TRIM33: variants seen among roughly 807,000 people sequenced by gnomAD.
The protein encoded by TRIM33 is tripartite motif containing 33, also known as E3 ubiquitin-protein ligase TRIM33.
A neutral mutation model predicts 125.4 loss-of-function variants in TRIM33; 20 were observed. The ratio of observed to expected loss-of-function variants is 0.16; its 90% confidence interval spans 0.11 to 0.23. TRIM33 has a LOEUF of 0.23. TRIM33 is among the 10% of genes least tolerant of loss of function. TRIM33 has a pLI of 1.00. For missense variants in TRIM33, 920 were observed against 1,411.4 expected (o/e 0.65, Z 5.58); for synonymous variants, 564 against 513.9 (o/e 1.10, Z -1.32).
chr1:114,483,467 A>G lies in TRIM33; in HGVS notation c.527-19079T>C, dbSNP rs180894082. Among the ~76,000 whole-genome samples, 3 of 150,180 alleles carry G rather than the reference A, an allele frequency of 2.0e-5. No homozygotes were observed. In the East Asian group the frequency reaches 5.9e-4, roughly 30 times the overall value. ...AGTCTCTGTCTGTGGCCCAGGCTGG[A>G]GTGCAGTGGCATGATCTCACTGCAA... On this transcript the variant is annotated intron_variant, in intron 1 of 19. Transcript: ENST00000358465.
Position 114,510,555 on chromosome 1 carries a change from C to G in TRIM33, c.522G>C (p.Gln174His). ...PIPGGSNGDI[Q>H]QVGVIRCPVC... ...CAGGCAGGGCCTCCGGCTCACCTTG[C>G]TGGATGTCGCCGTTGCTGCCCCCCG... The change falls in exon 1 of 20, where the codon CAG becomes CAC. Residue 174 changes from glutamine (Q) to histidine (H), a missense_variant. Transcript: ENST00000358465. The G allele has an allele frequency of 2.0e-6, 3 of 1,488,790 alleles. No homozygotes were observed. The highest frequency in any genetic ancestry group is 1.8e-6 in the Non-Finnish European group (2 of 1,121,942). 92.2% of individuals were successfully genotyped at this position (1,488,790 alleles called of 1,614,324 possible).
chr1:114,416,676 G>A, intron 11 of TRIM33, among the ~76,000 whole-genome samples: 1 of 152,196 alleles, frequency 6.6e-6, no homozygotes, highest in Non-Finnish European at 1.5e-5. Flanking sequence ...AAAGAAAATT[G>A]AGACTTCACC....
At position 114,394,272 on chromosome 1, in the gene TRIM33, G is replaced by C. The variant is rs892079879; in HGVS notation, c.*3376C>G. On this transcript the variant is annotated 3_prime_UTR_variant, in exon 20 of 20. Transcript: ENST00000358465. ...ATATTTCACATGTTGTACATGAATG[G>C]GGGTGGATATGGGACGTAAAAGCCA... 2 of 228,958 alleles carry C rather than the reference G, an allele frequency of 8.7e-6. No individual in the cohort carries two copies. Among genetic ancestry groups the C allele is most frequent in the Non-Finnish European group, 1.7e-5 (2 of 115,130 alleles). The allele number at this position is 228,958 out of a possible 1,614,324, so 14.2% of individuals were successfully genotyped here. A position where few individuals can be genotyped will look rare whatever the true frequency, so the allele number is the denominator to read the frequency against.
intron 5 of TRIM33, 114 bp downstream of exon 5, chr1:114,433,503 C>T: frequency 1.7e-6 from 1 of 597,804 alleles, no homozygotes; most frequent in Non-Finnish European, 2.9e-6. Flanking sequence ...ATACCATTTC[C>T]CCCTCAAAAA....
chr1:114,401,548 A>G, intron 16 of TRIM33, 85 bp from the exon 17 acceptor site: 1 of 1,145,176 alleles, frequency 8.7e-7, no homozygotes, highest in Non-Finnish European at 1.3e-6. Context: ...ATCACAACAA[A>G]GTTTGATTAC....
intron 1 of TRIM33, among the ~76,000 whole-genome samples, chr1:114,491,120 A>C (rs1318353151): frequency 1.3e-5 from 2 of 152,174 alleles, no homozygotes; most frequent in Non-Finnish European, 2.9e-5. Flanking sequence ...GAATATACTA[A>C]AAACTACTGA....
intron 1 of TRIM33, among the ~76,000 whole-genome samples, chr1:114,476,865 G>C (rs943677430): frequency 6.6e-6 from 1 of 152,028 alleles, no homozygotes; most frequent in Non-Finnish European, 1.5e-5. Flanking sequence ...ACAAAATCCA[G>C]ATAGTTATAC....
At chr1:114,488,689 G>A (rs1367580469) in intron 1 of TRIM33, among the ~76,000 whole-genome samples, 3 of 152,114 alleles carry the variant, frequency 2.0e-5, no homozygotes, top group Non-Finnish European at 4.4e-5. Flanking sequence ...CTTCAGCCCA[G>A]GAGGTCAAGA....
In TRIM33 at chr1:114,484,991, G is replaced by C. The variant is rs144587196; in HGVS notation, c.527-20603C>G. Among the ~76,000 whole-genome samples the C allele has an allele frequency of 9.7e-4, 148 of 152,174 alleles. 1 individual carries two copies. In the East Asian group the frequency reaches 0.017, roughly 17 times the overall value. ...CACTTGAACCTGGGAGGCGGAGGTT[G>C]CAGTGAGCCGAGATCACACCACTGC... On this transcript the variant is annotated intron_variant, in intron 1 of 19. Transcript: ENST00000358465.
chr1:114,425,673 C>A lies in TRIM33; in HGVS notation c.1471G>T (p.Val491Leu). The change falls in exon 9 of 20, where the codon GTA becomes TTA. Residue 491 changes from valine to leucine, a missense_variant. This residue lies in a region of TRIM33 where 407 missense variants were observed against 589.7 expected (regional missense o/e 0.69). Coordinates refer to ENST00000358465, the MANE Select transcript of TRIM33 (RefSeq NM_015906.4). The stretch of plus-strand genomic sequence containing the variant: ...GTCCCTGGAGGAACTTGCCCAACTA[C>A]AACATTAGGAGTATAACCAGGAGCT... The part of the protein sequence containing the change: ...KPAPGYTPNV[V>L]VGQVPPGTNH... 6.2e-7 allele frequency: 1 copy of A among 1,614,124 alleles called. No homozygotes were observed. The highest frequency in any genetic ancestry group is 8.5e-7 in the Non-Finnish European group (1 of 1,180,004).
At position 114,500,327 on chromosome 1, in the gene TRIM33, T is replaced by C. The variant is rs1388471043; in HGVS notation, c.526+10224A>G. On this transcript the variant is annotated intron_variant, in intron 1 of 19. Transcript: ENST00000358465. Reference sequence around the variant, plus strand: ...ACAGGTTTTTTGTTGTCGTTGTTTTTCTGTTCTTTTTTAAAGAGATGGCGG... The same window carrying C: ...ACAGGTTTTTTGTTGTCGTTGTTTTCCTGTTCTTTTTTAAAGAGATGGCGG... 5.9e-5 allele frequency among the ~76,000 whole-genome samples: 9 copies of C among 152,252 alleles called. No homozygotes were observed. The East Asian group carries it at 1.5e-3, about 26-fold the overall frequency.
At chr1:114,471,989 G>A (rs1278654159) in intron 1 of TRIM33, among the ~76,000 whole-genome samples, 1 of 152,026 alleles carries the variant, frequency 6.6e-6, no homozygotes, top group African/African-American at 2.4e-5. Context: ...CTTTAGTTAC[G>A]CTATTTAGTG....
Position 114,410,188 on chromosome 1 carries a change from T to C in TRIM33, c.2190A>G (p.Ser730=). The C allele has an allele frequency of 6.2e-7, 1 of 1,614,016 alleles. No individual in the cohort carries two copies. Among genetic ancestry groups the C allele is most frequent in the East Asian group, 2.2e-5 (1 of 44,872 alleles). ...SPGPSALSPG[S]SGLSNSHTPV... is the part of the protein sequence containing the mutation. Reference sequence around the variant, plus strand: ...GGTAATACCCGTTTGCTTTACCTGATGATCCCGGAGAAAGGGCAGAGGGAC... The same window carrying C: ...GGTAATACCCGTTTGCTTTACCTGACGATCCCGGAGAAAGGGCAGAGGGAC... The change falls in exon 12 of 20, where the codon TCA becomes TCG. Residue 730 remains serine (S), a synonymous_variant. Transcript: ENST00000358465.
At chr1:114,400,360 C>T (rs115611068) in intron 17 of TRIM33, among the ~76,000 whole-genome samples, 3,917 of 152,170 alleles carry the variant, frequency 0.026, 88 homozygotes, top group Non-Finnish European at 0.034. Flanking sequence ...TGCACTACCA[C>T]GCCCGGCTAA....
intron 11 of TRIM33, among the ~76,000 whole-genome samples, chr1:114,420,823 A>C (rs1653237332): frequency 6.6e-6 from 1 of 152,206 alleles, no homozygotes; most frequent in Admixed American, 6.5e-5. Flanking sequence ...AATATATAAT[A>C]CACTATCAAT....
At chr1:114,467,481 T>C (rs997307079) in intron 1 of TRIM33, among the ~76,000 whole-genome samples, 1 of 152,138 alleles carries the variant, frequency 6.6e-6, no homozygotes, top group Non-Finnish European at 1.5e-5. Flanking sequence ...AATGTAGTTA[T>C]GACTGCTGAG....
Position 114,510,800 on chromosome 1 carries a change from C to A in TRIM33, c.277G>T (p.Ala93Ser). The A allele has an allele frequency of 6.6e-7, 1 of 1,518,064 alleles. No homozygotes were observed. Among genetic ancestry groups the A allele is most frequent in the Non-Finnish European group, 8.8e-7 (1 of 1,138,972 alleles). 94.0% of individuals were successfully genotyped at this position (1,518,064 alleles called of 1,614,324 possible). The change falls in exon 1 of 20, where the codon GCA becomes TCA. Residue 93 changes from alanine to serine, a missense_variant. Physicochemically the swap from Ala to Ser is moderately conservative, Grantham distance 99. Around this residue, in one of 8 missense-constraint regions of TRIM33, gnomAD observed 233 missense variants for 189.6 expected, o/e 1.23. Coordinates refer to ENST00000358465, the MANE Select transcript of TRIM33 (RefSeq NM_015906.4). ...GGAGCTGGAGCCGGCGTCGATACTG[C>A]GCCCCCGGCAACTCCAGTGCCCACT... ...ASVGTGVAGG[A>S]VSTPAPAPAS...
At chr1:114,490,389 T>C (rs1236126056) in intron 1 of TRIM33, among the ~76,000 whole-genome samples, 4 of 152,066 alleles carry the variant, frequency 2.6e-5, no homozygotes, top group Non-Finnish European at 2.9e-5. Flanking sequence ...AAGATAACAA[T>C]TGTTGGCAAC....
At chr1:114,464,200 A>C in intron 2 of TRIM33, 70 bp downstream of exon 2, 1 of 795,974 alleles carries the variant, frequency 1.3e-6, no homozygotes, top group South Asian at 1.9e-5. Flanking sequence ...TTAACTATCC[A>C]AACATGTTTT....
Sources: gnomAD v4.1 joint callset for allele counts (sites outside exome capture counted in the v4.1 genomes callset) on GRCh38, gnomAD v4.1.1 for gene constraint, gnomAD v4.1.1 regional missense constraint, MANE v1.5 for transcripts, NCBI Gene and HGNC (gene_info 2026-07-23, HGNC 2026-07-21) for gene names.